The following ATP9A variants were observed in gnomAD, a reference collection of about 807,000 sequenced individuals.
The protein encoded by ATP9A is ATPase phospholipid transporting 9A.
In ATP9A, 52 loss-of-function variants were observed where a neutral mutation model predicts 144.1. The observed-to-expected ratio is 0.36, with a 90% confidence interval of 0.29 to 0.45. The LOEUF is 0.45. ATP9A is among the 20% of genes least tolerant of loss of function. The pLI is 1.00. For missense variants in ATP9A, 947 were observed against 1,392.7 expected (o/e 0.68, Z 5.09); for synonymous variants, 582 against 557.4 (o/e 1.04, Z -0.62).
At chr20:51,608,922 C>CGTGTGTGTGTGT (rs1214031645) in intron 24 of ATP9A, among the ~76,000 whole-genome samples, 4,647 of 142,786 alleles carry the variant, frequency 0.033, 126 homozygotes, top group Middle Eastern at 0.057. Flanking sequence ...GGAAATAAGA[C>CGTGTGTGTGTGT]GTGTGTGTGT....
intron 4 of ATP9A, among the ~76,000 whole-genome samples, chr20:51,708,316 C>T (rs2077623208): frequency 1.3e-5 from 2 of 151,032 alleles, no homozygotes; most frequent in Admixed American, 6.6e-5. Flanking sequence ...AAATGATACA[C>T]CTTGATTGAA....
intron 13 of ATP9A, among the ~76,000 whole-genome samples, chr20:51,664,834 C>T (rs1012575222): frequency 2.6e-5 from 4 of 151,896 alleles, no homozygotes; most frequent in African/African-American, 4.8e-5. Context: ...ATTCTTCTGC[C>T]TCAGCCTCCT....
chr20:51,621,936 G>A (rs2122724357), intron 19 of ATP9A, 138 bp downstream of exon 19: 1 of 711,320 alleles, frequency 1.4e-6, no homozygotes, highest in South Asian at 1.9e-5. Context: ...CCCATCCAAA[G>A]CAACCGTGGT....
At chr20:51,621,491 A>G (rs1014705041) in intron 19 of ATP9A, among the ~76,000 whole-genome samples, 4 of 152,032 alleles carry the variant, frequency 2.6e-5, no homozygotes, top group Non-Finnish European at 5.9e-5. Context: ...TACCTCCCCA[A>G]TGCAATAAAG....
chr20:51,746,394 G>A (rs1449963421), intron 1 of ATP9A, among the ~76,000 whole-genome samples: 1 of 152,238 alleles, frequency 6.6e-6, no homozygotes, highest in Non-Finnish European at 1.5e-5. Flanking sequence ...CAGTTGTTAA[G>A]AGGGCAGTTA....
At chr20:51,725,010 T>A (rs768982738) in intron 3 of ATP9A, among the ~76,000 whole-genome samples, 16 of 152,190 alleles carry the variant, frequency 1.1e-4, no homozygotes, top group Non-Finnish European at 2.1e-4. Flanking sequence ...CAGTTAAGCA[T>A]CTCAAATCCA....
chr20:51,665,116 G>T (rs2077427338), intron 13 of ATP9A, among the ~76,000 whole-genome samples: 1 of 151,782 alleles, frequency 6.6e-6, no homozygotes, highest in South Asian at 2.1e-4. Context: ...GAAGAACCTT[G>T]CAAATACTCT....
At chr20:51,723,563 CTTTTTTT>C (rs753282602) in intron 3 of ATP9A, among the ~76,000 whole-genome samples, 2 of 133,234 alleles carry the variant, frequency 1.5e-5, no homozygotes, top group South Asian at 2.5e-4. Flanking sequence ...ACAGCAAATT[CTTTTTTT>C]TTTTTTTTTT....
At chr20:51,654,322 T>C (rs1348302019) in intron 14 of ATP9A, among the ~76,000 whole-genome samples, 1 of 152,110 alleles carries the variant, frequency 6.6e-6, no homozygotes, top group Non-Finnish European at 1.5e-5. Flanking sequence ...ACACAGAAGA[T>C]GACACTCAAG....
In ATP9A at chr20:51,607,529, T is replaced by G. The variant is rs2077168194; in HGVS notation, c.2801A>C (p.Gln934Pro). 6.2e-7 allele frequency: 1 copy of G among 1,611,016 alleles called. No homozygotes were observed. Among genetic ancestry groups the G allele is most frequent in the African/African-American group, 1.3e-5 (1 of 74,848 alleles). The change falls in exon 26 of 28, where the codon CAA becomes CCA. Residue 934 changes from glutamine (Q) to proline (P), a missense_variant and splice_region_variant. Transcript: ENST00000338821. ...CAGGTGTCTCCACTCATCCTTACCT[T>G]GATAGATGCTAATCAAAACCCATAT... is the stretch of plus-strand genomic sequence containing the variant. ...FLIWVLISIY[Q>P]GSTIMYGALL...
intron 7 of ATP9A, 22 bp downstream of exon 7, chr20:51,693,986 T>C: frequency 6.2e-7 from 1 of 1,606,504 alleles, no homozygotes; most frequent in Non-Finnish European, 8.5e-7. Flanking sequence ...CCGCATGGGC[T>C]TCTGCAGGGA....
intron 4 of ATP9A, among the ~76,000 whole-genome samples, chr20:51,711,789 T>C (rs1205697): frequency 8.0e-6 from 1 of 125,550 alleles, no homozygotes; most frequent in Non-Finnish European, 1.9e-5. Flanking sequence ...ATCTTGCAAG[T>C]GGGGGGTCAG....
intron 1 of ATP9A, among the ~76,000 whole-genome samples, chr20:51,767,166 G>A (rs2077908254): frequency 6.6e-6 from 1 of 150,516 alleles, no homozygotes; most frequent in Non-Finnish European, 1.5e-5. Flanking sequence ...AGCAACTGAC[G>A]CTGCAATAAG....
At chr20:51,684,414 C>T (rs115869580) in intron 9 of ATP9A, among the ~76,000 whole-genome samples, 1,989 of 152,170 alleles carry the variant, frequency 0.013, 44 homozygotes, top group African/African-American at 0.045. Flanking sequence ...TAAGAAAATA[C>T]GGCCAGGCGC....
intron 4 of ATP9A, among the ~76,000 whole-genome samples, chr20:51,710,548 A>G (rs1209271): frequency 0.12 from 18,124 of 152,112 alleles, 1,117 homozygotes; most frequent in South Asian, 0.19. Context: ...TCAAATAACT[A>G]AACTCGCCTC....
At chr20:51,702,703 G>C (rs1329187789) in intron 4 of ATP9A, among the ~76,000 whole-genome samples, 1 of 152,088 alleles carries the variant, frequency 6.6e-6, no homozygotes, top group African/African-American at 2.4e-5. Flanking sequence ...TAAGGGTGTG[G>C]AAAGGGCCCA....
At chr20:51,665,104 CGG>C (rs2077427212) in intron 13 of ATP9A, among the ~76,000 whole-genome samples, 3 of 151,658 alleles carry the variant, frequency 2.0e-5, no homozygotes, top group Non-Finnish European at 2.9e-5. Flanking sequence ...CTGCTACAAC[CGG>C]AAGAACCTTG....
chr20:51,636,087 TAAC>T (rs1448086670), intron 15 of ATP9A, among the ~76,000 whole-genome samples: 2 of 152,070 alleles, frequency 1.3e-5, no homozygotes, highest in Non-Finnish European at 2.9e-5. Context: ...AGTAAGAAAT[TAAC>T]AACAATAACT....
intron 1 of ATP9A, 35 bp downstream of exon 1, chr20:51,768,267 C>G (rs1309942190): frequency 2.4e-6 from 3 of 1,229,686 alleles, no homozygotes; most frequent in African/African-American, 3.1e-5. Context: ...CCGGGAGGCG[C>G]GGACAAAGGA....
Sources: allele counts gnomAD v4.1 joint callset (sites outside exome capture counted in the v4.1 genomes callset), GRCh38; gene constraint gnomAD v4.1.1; transcripts MANE v1.5; gene names NCBI Gene and HGNC (gene_info 2026-07-23, HGNC 2026-07-21).